Variants in SEMA5B observed in about 807,000 individuals in gnomAD.
SEMA5B encodes the protein semaphorin 5B, also known as semaphorin-5B.
In SEMA5B, 66 loss-of-function variants were observed where a neutral mutation model predicts 135.0. The observed-to-expected ratio is 0.49, with a 90% CI of 0.40 to 0.60. The LOEUF is 0.60. SEMA5B is among the 20% of genes least tolerant of loss of function. The pLI, the probability that SEMA5B is intolerant of heterozygous loss-of-function variation, is 0.00. For synonymous variants in SEMA5B, 690 were observed against 639.5 expected (o/e 1.08, Z -1.19); for missense variants, 1,501 against 1,566.3 (o/e 0.96, Z 0.70).
intron 1 of SEMA5B, chr3:122,976,011 C>A (rs769277541): frequency 2.6e-6 from 4 of 1,535,108 alleles, no homozygotes; most frequent in Non-Finnish European, 3.5e-6. Context: ...TCGATCCCTT[C>A]GCTTCTGCTT....
chr3:122,917,695 C>G (rs1448264429), intron 12 of SEMA5B, among the ~76,000 whole-genome samples: 1 of 152,172 alleles, frequency 6.6e-6, no homozygotes, highest in African/African-American at 2.4e-5. Context: ...ATCATGGGAG[C>G]CCGGTGAGCA....
At chr3:122,920,722 C>A (rs1938304117) in intron 12 of SEMA5B, among the ~76,000 whole-genome samples, 1 of 152,132 alleles carries the variant, frequency 6.6e-6, no homozygotes, top group Non-Finnish European at 1.5e-5. Flanking sequence ...TGAGATGGAG[C>A]CCCAGGTGTG....
intron 1 of SEMA5B, among the ~76,000 whole-genome samples, chr3:123,022,926 A>C (rs1942720836): frequency 6.6e-6 from 1 of 152,238 alleles, no homozygotes; most frequent in African/African-American, 2.4e-5. Context: ...TTATAAAGGA[A>C]ATTTCTTCAG....
At chr3:122,980,750 A>C (rs1941498846) in intron 1 of SEMA5B, among the ~76,000 whole-genome samples, 1 of 152,116 alleles carries the variant, frequency 6.6e-6, no homozygotes, top group South Asian at 2.1e-4. Context: ...TACTATCGCC[A>C]CCATTCATCT....
chr3:122,997,721 A>T (rs1408412142), intron 1 of SEMA5B, among the ~76,000 whole-genome samples: 2 of 151,650 alleles, frequency 1.3e-5, no homozygotes, highest in Non-Finnish European at 2.9e-5. Flanking sequence ...GCCCTGTTTC[A>T]CTCAGAAGGG....
intron 1 of SEMA5B, among the ~76,000 whole-genome samples, chr3:123,004,261 G>A (rs1219430532): frequency 6.6e-6 from 1 of 152,232 alleles, no homozygotes; most frequent in Non-Finnish European, 1.5e-5. Context: ...TAAAAGTGAA[G>A]AAAAATTTGC....
At chr3:122,961,047 G>A in intron 2 of SEMA5B, 93 bp downstream of exon 2, 1 of 1,342,552 alleles carries the variant, frequency 7.4e-7, no homozygotes, top group Non-Finnish European at 1.0e-6. Context: ...TAGGAGGTAT[G>A]CTGATGATGC....
At chr3:122,910,411 G>T in intron 22 of SEMA5B, 110 bp from the exon 23 acceptor site, 1 of 1,148,256 alleles carries the variant, frequency 8.7e-7, no homozygotes, top group Non-Finnish European at 1.3e-6. Context: ...CTCAGACTGC[G>T]GATCCAGTGC....
intron 1 of SEMA5B, among the ~76,000 whole-genome samples, chr3:123,020,606 A>G (rs566122529): frequency 1.3e-5 from 2 of 152,236 alleles, no homozygotes; most frequent in African/African-American, 2.4e-5. Flanking sequence ...TCTGCATGCC[A>G]TTGGCATGAG....
intron 5 of SEMA5B, among the ~76,000 whole-genome samples, chr3:122,935,099 G>T (rs764787917): frequency 6.6e-6 from 1 of 152,116 alleles, no homozygotes; most frequent in East Asian, 1.9e-4. Flanking sequence ...ATAAAAAAAA[G>T]CATCTTTGTT....
intron 1 of SEMA5B, among the ~76,000 whole-genome samples, chr3:122,998,034 T>C (rs999254569): frequency 1.3e-5 from 2 of 152,174 alleles, no homozygotes; most frequent in African/African-American, 4.8e-5. Context: ...TCGGTGACAG[T>C]GATGTACCTG....
intron 2 of SEMA5B, among the ~76,000 whole-genome samples, chr3:122,949,045 T>C (rs944282349): frequency 6.6e-6 from 1 of 152,180 alleles, no homozygotes; most frequent in South Asian, 2.1e-4. Flanking sequence ...ATTTGTAAAA[T>C]GATAAATCTG....
At chr3:122,999,427 G>T (rs1392794460) in intron 1 of SEMA5B, among the ~76,000 whole-genome samples, 4 of 152,114 alleles carry the variant, frequency 2.6e-5, no homozygotes, top group African/African-American at 9.6e-5. Flanking sequence ...GTTTCCCCAT[G>T]CTGGCCAGGC....
chr3:123,009,645 G>C lies in SEMA5B; in HGVS notation c.-39+17819C>G, dbSNP rs142317297. ...GCCAGTGTCCCTTGCTCCATTTCCA[G>C]CCACTGAGGCTTATCAAGTGACCTT... On this transcript the variant is annotated intron_variant, in intron 1 of 22. Transcript: ENST00000357599. Among the ~76,000 whole-genome samples, 882 of 152,324 alleles carry C rather than the reference G, an allele frequency of 5.8e-3. 9 individuals carry two copies. The highest frequency in any genetic ancestry group is 0.017 in the African/African-American group (718 of 41,578).
chr3:122,940,392 C>T (rs568194414), intron 4 of SEMA5B, among the ~76,000 whole-genome samples: 43 of 152,338 alleles, frequency 2.8e-4, no homozygotes, highest in Non-Finnish European at 5.7e-4. Flanking sequence ...TTTCTTATTT[C>T]ACAGGACTGT....
chr3:122,948,356 A>G (rs1395625668), intron 3 of SEMA5B, 150 bp downstream of exon 3: 1 of 556,290 alleles, frequency 1.8e-6, no homozygotes, highest in East Asian at 3.3e-5. Context: ...CCAGCACCAG[A>G]GGAAGAGTCT....
chr3:122,973,438 G>A (rs1402212195), intron 1 of SEMA5B, among the ~76,000 whole-genome samples: 3 of 152,190 alleles, frequency 2.0e-5, no homozygotes, highest in Non-Finnish European at 4.4e-5. Context: ...GCGGGCAGTG[G>A]AGGGTGCCGC....
At chr3:122,923,839 A>T (rs1423335015) in intron 9 of SEMA5B, 87 bp from the exon 10 acceptor site, 3 of 1,472,806 alleles carry the variant, frequency 2.0e-6, no homozygotes, top group Non-Finnish European at 2.8e-6. Context: ...GTCATGTCCA[A>T]TTCCCAAGGC....
At chr3:122,998,237 T>C (rs922050526) in intron 1 of SEMA5B, among the ~76,000 whole-genome samples, 2 of 152,118 alleles carry the variant, frequency 1.3e-5, no homozygotes, top group Non-Finnish European at 2.9e-5. Flanking sequence ...GGGAGAGCTC[T>C]GAACAGCAAG....
Sources: gnomAD v4.1 joint callset for allele counts (sites outside exome capture counted in the v4.1 genomes callset) on GRCh38, gnomAD v4.1.1 for gene constraint, MANE v1.5 for transcripts, NCBI Gene and HGNC (gene_info 2026-07-23, HGNC 2026-07-21) for gene names.